The following IFT88 variants were observed in gnomAD, a reference collection of about 807,000 sequenced individuals.
The protein encoded by IFT88 is intraflagellar transport 88, also known as intraflagellar transport protein 88 homolog.
In IFT88, 74 loss-of-function variants were observed where a neutral mutation model predicts 119.5. The observed-to-expected ratio is 0.62, with a 90% CI of 0.51 to 0.75. The LOEUF (loss-of-function observed/expected upper bound fraction) is 0.75, where lower values mean the gene tolerates loss of function less well. Among genes scored for constraint, IFT88 ranks in the 30% least tolerant of loss-of-function variants. The pLI, the probability that IFT88 is intolerant of heterozygous loss-of-function variation, is 0.00. For missense variants in IFT88, 961 were observed against 977.7 expected (o/e 0.98, Z 0.23); for synonymous variants, 279 against 316.7 (o/e 0.88, Z 1.26).
At chr13:20,608,192 T>C in intron 13 of IFT88, 1 of 293,106 alleles carries the variant, frequency 3.4e-6, no homozygotes. Context: ...CTGCGACGGC[T>C]TCCCCTGCCC....
chr13:20,605,608 C>T (rs1438957267), intron 13 of IFT88, among the ~76,000 whole-genome samples: 1 of 152,060 alleles, frequency 6.6e-6, no homozygotes, highest in Non-Finnish European at 1.5e-5. Flanking sequence ...TTTCTCACAC[C>T]AACAACCAAT....
chr13:20,657,674 TC>T (rs1342245981), intron 22 of IFT88, among the ~76,000 whole-genome samples: 1 of 152,128 alleles, frequency 6.6e-6, no homozygotes, highest in Non-Finnish European at 1.5e-5. Flanking sequence ...ACGCCTGTAA[TC>T]CCAGCACTTT....
At chr13:20,607,692 C>T (rs548540305) in intron 13 of IFT88, 17 of 816,310 alleles carry the variant, frequency 2.1e-5, no homozygotes, top group South Asian at 1.2e-4. Context: ...GACTTGACTA[C>T]GTCTCACAGT....
At chr13:20,623,959 A>AGTGT (rs1192827080) in intron 14 of IFT88, among the ~76,000 whole-genome samples, 1 of 152,194 alleles carries the variant, frequency 6.6e-6, no homozygotes. Context: ...GATAAATGGA[A>AGTGT]GTGAATTTTG....
intron 2 of IFT88, among the ~76,000 whole-genome samples, chr13:20,581,852 CAAAAAA>C (rs10555158): frequency 8.2e-6 from 1 of 121,278 alleles, no homozygotes; most frequent in Non-Finnish European, 1.7e-5. Flanking sequence ...AACCCTGTCT[CAAAAAA>C]AAAAAAAAAA....
intron 13 of IFT88, among the ~76,000 whole-genome samples, chr13:20,608,548 G>A (rs1021559044): frequency 2.0e-5 from 3 of 152,194 alleles, no homozygotes; most frequent in African/African-American, 4.8e-5. Context: ...AGCTGGGATC[G>A]CTGTGGCTGT....
chr13:20,613,311 A>G (rs1052664012), intron 13 of IFT88, among the ~76,000 whole-genome samples: 3 of 152,192 alleles, frequency 2.0e-5, no homozygotes, highest in African/African-American at 7.2e-5. Flanking sequence ...ATAGATACAC[A>G]GATGCCCAAT....
intron 22 of IFT88, among the ~76,000 whole-genome samples, chr13:20,659,398 A>G (rs2053419083): frequency 6.6e-6 from 1 of 151,932 alleles, no homozygotes; most frequent in Non-Finnish European, 1.5e-5. Context: ...GGAGGCTGAG[A>G]TGGAAGGATC....
At chr13:20,587,126 C>A (rs2039815792) in intron 3 of IFT88, among the ~76,000 whole-genome samples, 1 of 152,050 alleles carries the variant, frequency 6.6e-6, no homozygotes. Context: ...CTGTTAATGT[C>A]CCAAATGCAT....
intron 19 of IFT88, among the ~76,000 whole-genome samples, chr13:20,643,964 GCC>G (rs1169245126): frequency 6.6e-6 from 1 of 152,074 alleles, no homozygotes; most frequent in African/African-American, 2.4e-5. Context: ...TCTTGGCCAG[GCC>G]AGTCTCGAAC....
At chr13:20,645,003 G>A in intron 20 of IFT88, 45 bp downstream of exon 20, 1 of 905,928 alleles carries the variant, frequency 1.1e-6, no homozygotes, top group South Asian at 1.6e-5. Context: ...GTCATGTCTT[G>A]AGTTTTTTTA....
chr13:20,634,660 A>G (rs1392916934), intron 16 of IFT88, among the ~76,000 whole-genome samples: 4 of 151,992 alleles, frequency 2.6e-5, no homozygotes, highest in East Asian at 3.9e-4. Context: ...TTGGGAGGGC[A>G]GAGGTTGCAG....
At chr13:20,599,414 G>A (rs927064395) in intron 10 of IFT88, 37 bp from the exon 11 acceptor site, 1 of 690,500 alleles carries the variant, frequency 1.4e-6, no homozygotes, top group Non-Finnish European at 2.5e-6. Context: ...GTGGAAAAAT[G>A]AGAGTATTAT....
chr13:20,641,232 ATAAAT>A (rs2049903476), intron 17 of IFT88, 53 bp from the exon 18 acceptor site: 2 of 891,044 alleles, frequency 2.2e-6, no homozygotes, highest in Non-Finnish European at 1.7e-6. Context: ...GTTATGTTAA[ATAAAT>A]TAATACCAAT....
chr13:20,615,482 C>T (rs2045453648), intron 13 of IFT88, among the ~76,000 whole-genome samples: 1 of 152,180 alleles, frequency 6.6e-6, no homozygotes, highest in Non-Finnish European at 1.5e-5. Context: ...GCAGTGTAGG[C>T]TACGTAAGTT....
chr13:20,612,540 G>T (rs2044748789), intron 13 of IFT88, among the ~76,000 whole-genome samples: 3 of 152,122 alleles, frequency 2.0e-5, no homozygotes, highest in Non-Finnish European at 2.9e-5. Flanking sequence ...GGCACTTAAT[G>T]TTATTAAAAT....
chr13:20,664,891 AAC>A (rs2054408675), intron 23 of IFT88, among the ~76,000 whole-genome samples: 1 of 152,136 alleles, frequency 6.6e-6, no homozygotes, highest in East Asian at 1.9e-4. Context: ...CATCCTGGCT[AAC>A]ACACTGAAAC....
chr13:20,616,454 A>G (rs538536683), intron 14 of IFT88, among the ~76,000 whole-genome samples: 7 of 152,338 alleles, frequency 4.6e-5, no homozygotes, highest in Admixed American at 3.3e-4. Context: ...ATTTAGATAT[A>G]CAAATACTTA....
intron 24 of IFT88, among the ~76,000 whole-genome samples, chr13:20,687,762 A>C (rs956524832): frequency 4.6e-5 from 7 of 152,200 alleles, no homozygotes. Flanking sequence ...GGAGGAAAAA[A>C]TAAAATGAAA....
Sources: gnomAD v4.1 joint callset for allele counts (sites outside exome capture counted in the v4.1 genomes callset) on GRCh38, gnomAD v4.1.1 for gene constraint, MANE v1.5 for transcripts, NCBI Gene and HGNC (gene_info 2026-07-23, HGNC 2026-07-21) for gene names.